The following GARIN1A variants were observed in gnomAD, a reference collection of about 807,000 sequenced individuals.
GARIN1A encodes the protein Golgi-associated RAB2 interactor protein 1A.
chr7:128,703,785 A>C, the GARIN1A span, among the ~76,000 whole-genome samples: 1 of 151,716 alleles, frequency 6.6e-6, no homozygotes, highest in Non-Finnish European at 1.5e-5. Flanking sequence ...TCAAAAAAAA[A>C]AAAAGAAAAA....
At chr7:128,697,271 G>T in the GARIN1A span, among the ~76,000 whole-genome samples, 1 of 152,194 alleles carries the variant, frequency 6.6e-6, no homozygotes, top group African/African-American at 2.4e-5. Context: ...CCCAGATCAA[G>T]CCAAGGAAAT....
At chr7:128,689,674 C>T in the GARIN1A span, among the ~76,000 whole-genome samples, 16,546 of 108,172 alleles carry the variant, frequency 0.15, 2,897 homozygotes, top group East Asian at 0.43. Flanking sequence ...CCCCTCCGCC[C>T]GACAGCCGCC....
the GARIN1A span, among the ~76,000 whole-genome samples, chr7:128,677,206 T>A: frequency 6.6e-6 from 1 of 151,650 alleles, no homozygotes; most frequent in African/African-American, 2.4e-5. Flanking sequence ...ACCCACATGG[T>A]CGATTGAAAC....
chr7:128,673,943 C>T, the GARIN1A span, among the ~76,000 whole-genome samples: 2 of 152,030 alleles, frequency 1.3e-5, no homozygotes, highest in South Asian at 2.1e-4. Context: ...AGTCTCACTC[C>T]GTTGCCCTGG....
At chr7:128,707,720 T>C in the GARIN1A span, among the ~76,000 whole-genome samples, 1 of 152,190 alleles carries the variant, frequency 6.6e-6, no homozygotes. Context: ...CCCAAAGTAC[T>C]GGGATTACAG....
the GARIN1A span, among the ~76,000 whole-genome samples, chr7:128,690,012 G>C: frequency 6.6e-6 from 1 of 152,220 alleles, no homozygotes; most frequent in African/African-American, 2.4e-5. Context: ...TTGTTGCTGT[G>C]TCTGTGCAGA....
At chr7:128,700,715 G>A in the GARIN1A span, among the ~76,000 whole-genome samples, 2 of 152,174 alleles carry the variant, frequency 1.3e-5, no homozygotes, top group African/African-American at 4.8e-5. Flanking sequence ...GAGAAGGGAA[G>A]AAATGAGATA....
At chr7:128,681,888 C>CA in the GARIN1A span, among the ~76,000 whole-genome samples, 1 of 149,726 alleles carries the variant, frequency 6.7e-6, no homozygotes, top group Non-Finnish European at 1.5e-5. Context: ...TGCACCCCCC[C>CA]CCACAACCCC....
At chr7:128,679,427 G>A in the GARIN1A span, among the ~76,000 whole-genome samples, 2 of 152,022 alleles carry the variant, frequency 1.3e-5, no homozygotes, top group African/African-American at 2.4e-5. Flanking sequence ...TCTTGATCTC[G>A]TGATCCAACC....
At chr7:128,707,089 G>A in the GARIN1A span, among the ~76,000 whole-genome samples, 2 of 151,908 alleles carry the variant, frequency 1.3e-5, no homozygotes, top group African/African-American at 2.4e-5. Context: ...TATATTTAAT[G>A]TATACAACTT....
the GARIN1A span, among the ~76,000 whole-genome samples, chr7:128,698,476 A>C: frequency 6.6e-6 from 1 of 151,104 alleles, no homozygotes; most frequent in African/African-American, 2.4e-5. Context: ...TGCCACCCCG[A>C]CTCCAGCTAG....
At chr7:128,691,188 A>G in the GARIN1A span, 1 of 152,174 alleles carries the variant, frequency 6.6e-6, no homozygotes, top group Non-Finnish European at 1.5e-5. Context: ...AGGGGAAGGG[A>G]AAAAAGGTGA....
At chr7:128,678,679 C>G in the GARIN1A span, among the ~76,000 whole-genome samples, 4 of 151,680 alleles carry the variant, frequency 2.6e-5, no homozygotes, top group Admixed American at 1.3e-4. Flanking sequence ...TGGCAGGCCC[C>G]TATAATACTA....
the GARIN1A span, chr7:128,687,413 T>A: frequency 7.2e-6 from 1 of 139,196 alleles, no homozygotes; most frequent in African/African-American, 2.5e-5. Context: ...GCGGAGCCGA[T>A]CTTGGAATGC....
the GARIN1A span, among the ~76,000 whole-genome samples, chr7:128,706,013 T>C: frequency 6.6e-6 from 1 of 152,128 alleles, no homozygotes; most frequent in South Asian, 2.1e-4. Context: ...CATTCTACTA[T>C]AAGGAAGAGG....
At chr7:128,675,842 A>G in the GARIN1A span, 2 of 1,612,242 alleles carry the variant, frequency 1.2e-6, no homozygotes, top group Non-Finnish European at 1.7e-6. Flanking sequence ...GTGACGCCCC[A>G]GTCATCAACC....
At chr7:128,707,433 A>C in the GARIN1A span, among the ~76,000 whole-genome samples, 5 of 151,924 alleles carry the variant, frequency 3.3e-5, no homozygotes, top group African/African-American at 1.2e-4. Context: ...GCCCCTGGCA[A>C]TCACTGTTCT....
the GARIN1A span, among the ~76,000 whole-genome samples, chr7:128,674,060 A>T: frequency 7.9e-5 from 12 of 151,832 alleles, no homozygotes; most frequent in African/African-American, 2.7e-4. Flanking sequence ...CGCCCAGCTA[A>T]TTTTTTTGTG....
At chr7:128,672,322 C>A in the GARIN1A span, 3 of 1,309,978 alleles carry the variant, frequency 2.3e-6, no homozygotes, top group Non-Finnish European at 3.2e-6. Flanking sequence ...GGGCAGATCA[C>A]ATCAACATCC....
Sources: allele counts gnomAD v4.1 joint callset (sites outside exome capture counted in the v4.1 genomes callset), GRCh38; gene constraint gnomAD v4.1.1; transcripts MANE v1.5; gene names NCBI Gene and HGNC (gene_info 2026-07-23, HGNC 2026-07-21).